Variants in GSTM4 observed in about 807,000 individuals in gnomAD.
GSTM4 encodes glutathione S-transferase mu 4, also known as GST class-mu 4.
A neutral mutation model predicts 30.1 loss-of-function variants in GSTM4; 27 were observed. The ratio of observed to expected loss-of-function variants is 0.90; its 90% confidence interval spans 0.66 to 1.24. GSTM4 has a LOEUF of 1.24. GSTM4 is among the 50% of genes most tolerant of loss of function. The pLI is 0.00. For synonymous variants in GSTM4, 94 were observed against 96.2 expected, an observed-to-expected ratio of 0.98 and a Z score of 0.13; for missense variants, 238 against 272.1, an observed-to-expected ratio of 0.87 and a Z score of 0.88.
chr1:109,663,537 C>T (rs1465555143), downstream of GSTM4, among the ~76,000 whole-genome samples: 2 of 152,018 alleles, frequency 1.3e-5, no homozygotes, highest in Admixed American at 6.6e-5. Context: ...GTGGTGGCAG[C>T]GCCTGTAATC....
downstream of GSTM4, among the ~76,000 whole-genome samples, chr1:109,662,401 C>T (rs1652351812): frequency 6.6e-6 from 1 of 152,160 alleles, no homozygotes; most frequent in African/African-American, 2.4e-5. Flanking sequence ...AGGACGCAAG[C>T]TCTACTGTGA....
At chr1:109,662,749 T>C (rs1190453218), downstream of GSTM4, among the ~76,000 whole-genome samples, 4 of 152,204 alleles carry the variant, frequency 2.6e-5, no homozygotes, top group Non-Finnish European at 5.9e-5. Context: ...TGACAATTGC[T>C]GGTGATTTAT....
rs144284999 is a variant in GSTM4 at position 109,657,799 on chromosome 1, G to T, written c.287G>T (p.Arg96Leu). ...LCGETEEEKI[R>L]VDILENQAMD... ...GGGGAGACAGAAGAGGAGAAGATTC[G>T]TGTGGACATTTTGGAGAACCAGGCT... Residue 96 changes from arginine to leucine, a missense_variant, in exon 5 of 8, where the codon CGT (arginine) becomes CTT (leucine). By Grantham distance (102) the Arg-to-Leu change is moderately radical. Coordinates refer to ENST00000369836, the MANE Select transcript of GSTM4 (RefSeq NM_000850.5). 1.9e-6 allele frequency: 3 copies of T among 1,614,172 alleles called. No individual in the cohort carries two copies. In the South Asian group the frequency reaches 3.3e-5, roughly 18 times the overall value.
Position 109,656,288 on chromosome 1 carries a change from G to A in GSTM4, c.-102G>A, listed in dbSNP as rs150509272. 7.5e-4 allele frequency: 871 copies of A among 1,158,974 alleles called. 8 individuals are homozygous for A. The African/African-American group carries it at 0.011, about 15-fold the overall frequency. The allele number at this position is 1,158,974 out of a possible 1,614,324, so 71.8% of individuals were successfully genotyped here. A position where few individuals can be genotyped will look rare whatever the true frequency, so the allele number is the denominator to read the frequency against. Reference sequence around the variant, plus strand: ...GCGGGCGCAGCGGGGCCGAGGGGGCGGGTCTGGCGCTAGGTCCAGCCCCTG... The same window carrying A: ...GCGGGCGCAGCGGGGCCGAGGGGGCAGGTCTGGCGCTAGGTCCAGCCCCTG... On this transcript the variant is annotated 5_prime_UTR_variant, in exon 1 of 8. Transcript: ENST00000369836.
chr1:109,667,396 T>C (rs573053513), downstream of GSTM4, among the ~76,000 whole-genome samples: 1 of 152,130 alleles, frequency 6.6e-6, no homozygotes, highest in Admixed American at 6.5e-5. Flanking sequence ...CCCCAGATTC[T>C]AACGTTTCCA....
chr1:109,659,763 CT>C (rs1442070578), intron 7 of GSTM4: 15 of 503,140 alleles, frequency 3.0e-5, no homozygotes, highest in Non-Finnish European at 4.9e-5. Context: ...CCTTCTTTAT[CT>C]TTTTTCCTCT....
chr1:109,660,193 G>A (rs544247669), intron 7 of GSTM4: 13 of 162,358 alleles, frequency 8.0e-5, no homozygotes, highest in Middle Eastern at 3.0e-3. Flanking sequence ...CTGTGGTCTC[G>A]GCTGAGTGGC....
chr1:109,660,998 T>A, intron 7 of GSTM4, 167 bp from the exon 8 acceptor site: 2 of 754,276 alleles, frequency 2.7e-6, no homozygotes, highest in Non-Finnish European at 4.4e-6. Flanking sequence ...TTGGAAGAGT[T>A]AACTCCGCAA....
At chr1:109,658,968 A>T in intron 6 of GSTM4, 32 bp from the exon 7 acceptor site, 1 of 1,613,466 alleles carries the variant, frequency 6.2e-7, no homozygotes. Flanking sequence ...CGTTACAGAG[A>T]TTCCAGCCCA....
Position 109,661,305 on chromosome 1 carries a change from C to G in GSTM4, c.*51C>G. 1 of 1,612,254 alleles carries G rather than the reference C, an allele frequency of 6.2e-7. No individual in the cohort carries two copies. The highest frequency in any genetic ancestry group is 8.5e-7 in the Non-Finnish European group (1 of 1,179,014). On this transcript the variant is annotated 3_prime_UTR_variant, in exon 8 of 8. Transcript: ENST00000369836. ...TGAGGAGCCCATACTCAGCCTGCTGCCCAGGCTGTGCAGCGCAGCTGGACT... is the reference window on the plus strand; with the variant it reads ...TGAGGAGCCCATACTCAGCCTGCTGGCCAGGCTGTGCAGCGCAGCTGGACT...
chr1:109,663,249 T>G (rs541449607), downstream of GSTM4, among the ~76,000 whole-genome samples: 3 of 152,290 alleles, frequency 2.0e-5, no homozygotes, highest in East Asian at 3.9e-4. Context: ...TATTGAAGGC[T>G]CCTGGTGCAG....
rs57680849 is a variant in GSTM4, at chr1:109,656,550, CTGTGTGTGTGTGTG to C, written c.37-135_37-122del. 2.0e-3 allele frequency: 1,068 copies of C among 531,884 alleles called. 1 individual carries two copies. Among genetic ancestry groups the C allele is most frequent in the African/African-American group, 3.5e-3 (102 of 29,554 alleles). The allele number at this position is 531,884 out of a possible 1,614,324, so 32.9% of individuals were successfully genotyped here. On this transcript the variant is annotated intron_variant, in intron 1 of 7. Transcript: ENST00000369836. ...CTCTCACAGGAGGGCCTGTGCATGC[CTGTGTGTGTGTGTG>C]TGTGTGTGTGTGTGTGTGTGTGTGT... is the stretch of plus-strand genomic sequence containing the variant.
chr1:109,661,489 A>G lies in GSTM4; in HGVS notation c.*235A>G. 3 of 1,385,352 alleles carry G rather than the reference A, an allele frequency of 2.2e-6. No individual in the cohort carries two copies. In the South Asian group the frequency reaches 4.5e-5, roughly 21 times the overall value. The allele number at this position is 1,385,352 out of a possible 1,614,324, so 85.8% of individuals were successfully genotyped here. The stretch of plus-strand genomic sequence containing the variant: ...TTTCCTTCATGAACATCCCCCTCCC[A>G]ACACTACCCTTCCCTGCACTAAAGC... On this transcript the variant is annotated 3_prime_UTR_variant, in exon 8 of 8. Transcript: ENST00000369836.
At position 109,656,319 on chromosome 1, in the gene GSTM4, CG is replaced by C. The variant is rs1309523818; in HGVS notation, c.-68del. 2.7e-6 allele frequency: 4 copies of C among 1,492,558 alleles called. No individual in the cohort carries two copies. The highest frequency in any genetic ancestry group is 2.8e-5 in the African/African-American group (2 of 72,578). The allele number at this position is 1,492,558 out of a possible 1,614,324, so 92.5% of individuals were successfully genotyped here. A position where few individuals can be genotyped will look rare whatever the true frequency, so the allele number is the denominator to read the frequency against. Reference sequence around the variant, plus strand: ...GGCGCTAGGTCCAGCCCCTGCGTGCCGGGAACCCCAGAGGAGGTCGCAGTTC... The same window carrying C: ...GGCGCTAGGTCCAGCCCCTGCGTGCCGGAACCCCAGAGGAGGTCGCAGTTC... On this transcript the variant is annotated 5_prime_UTR_variant, in exon 1 of 8. Transcript: ENST00000369836.
chr1:109,656,319 C>T lies in GSTM4; in HGVS notation c.-71C>T. 1.1e-5 allele frequency: 16 copies of T among 1,492,672 alleles called. No homozygotes were observed. The South Asian group carries it at 1.5e-4, about 14-fold the overall frequency. The allele number at this position is 1,492,672 out of a possible 1,614,324, so 92.5% of individuals were successfully genotyped here. On this transcript the variant is annotated 5_prime_UTR_variant, in exon 1 of 8. Transcript: ENST00000369836. The stretch of plus-strand genomic sequence containing the variant: ...GGCGCTAGGTCCAGCCCCTGCGTGC[C>T]GGGAACCCCAGAGGAGGTCGCAGTT...
At chr1:109,659,929 T>G (rs1047301627) in intron 7 of GSTM4, 31 of 350,766 alleles carry the variant, frequency 8.8e-5, no homozygotes, top group Non-Finnish European at 1.4e-4. Flanking sequence ...ATGAGTGCAG[T>G]GAGAGGCCTG....
downstream of GSTM4, among the ~76,000 whole-genome samples, chr1:109,663,816 T>C (rs1652382608): frequency 6.6e-6 from 1 of 152,246 alleles, no homozygotes; most frequent in South Asian, 2.1e-4. Context: ...AGGACATGTG[T>C]TTTTGTCTCT....
At chr1:109,664,233 T>A (rs1207578227), downstream of GSTM4, among the ~76,000 whole-genome samples, 1 of 152,016 alleles carries the variant, frequency 6.6e-6, no homozygotes, top group Non-Finnish European at 1.5e-5. Context: ...CTTCTCTGGT[T>A]TTTGGGTACT....
Position 109,661,480 on chromosome 1 carries a change from C to A in GSTM4, c.*226C>A. The A allele has an allele frequency of 1.4e-6, 2 of 1,395,138 alleles. No individual in the cohort carries two copies. The highest frequency in any genetic ancestry group is 2.7e-5 in the East Asian group (1 of 36,840). The allele number at this position is 1,395,138 out of a possible 1,614,324, so 86.4% of individuals were successfully genotyped here. On this transcript the variant is annotated 3_prime_UTR_variant, in exon 8 of 8. Transcript: ENST00000369836. ...GCTACCCACTTTCCTTCATGAACAT[C>A]CCCCTCCCAACACTACCCTTCCCTG...
Sources: gnomAD v4.1 joint callset for allele counts (sites outside exome capture counted in the v4.1 genomes callset) on GRCh38, gnomAD v4.1.1 for gene constraint, MANE v1.5 for transcripts, NCBI Gene and HGNC (gene_info 2026-07-23, HGNC 2026-07-21) for gene names.